The following PRKN variants were observed in gnomAD, a reference collection of about 807,000 sequenced individuals.
The protein encoded by PRKN is parkin RBR E3 ubiquitin protein ligase.
In PRKN, 56 loss-of-function variants were observed where a neutral mutation model predicts 59.5. The ratio of observed to expected loss-of-function variants is 0.94; its 90% confidence interval spans 0.76 to 1.18. PRKN has a LOEUF of 1.18. PRKN is among the 50% of genes most tolerant of loss of function. PRKN has a pLI of 0.00. For synonymous variants in PRKN, 250 were observed against 222.1 expected, an observed-to-expected ratio of 1.13 and a Z score of -1.12; for missense variants, 657 against 596.4, an observed-to-expected ratio of 1.10 and a Z score of -1.06.
intron 6 of PRKN, among the ~76,000 whole-genome samples, chr6:161,786,160 T>A (rs1790413165): frequency 3.3e-5 from 5 of 152,216 alleles, no homozygotes; most frequent in Admixed American, 3.3e-4. Context: ...AATCTTTTGA[T>A]TAAACCTGAG....
intron 7 of PRKN, among the ~76,000 whole-genome samples, chr6:161,747,441 T>C (rs2128193508): frequency 6.6e-6 from 1 of 151,890 alleles, no homozygotes; most frequent in South Asian, 2.1e-4. Context: ...TTAAACAAAT[T>C]GCAGAGAAAG....
At chr6:162,644,770 G>A (rs898859439) in intron 1 of PRKN, among the ~76,000 whole-genome samples, 1 of 152,152 alleles carries the variant, frequency 6.6e-6, no homozygotes, top group African/African-American at 2.4e-5. Context: ...TTAAAAATCT[G>A]AAAGCAATAC....
chr6:162,324,757 T>C (rs1170463927), intron 2 of PRKN, among the ~76,000 whole-genome samples: 4 of 152,098 alleles, frequency 2.6e-5, no homozygotes, highest in Non-Finnish European at 5.9e-5. Flanking sequence ...TATGTGTACG[T>C]ATCTATGTGT....
chr6:161,376,049 AGGCAGTCAAT>A lies in PRKN; in HGVS notation c.1167+10735_1167+10744del, dbSNP rs1785686003. ...ATACTGGGACTGCATTTGTGTGTGA[AGGCAGTCAAT>A]GGCTGAGAGACGGCTCTGCGGTGAG... On this transcript the variant is annotated intron_variant, in intron 10 of 11. Coordinates refer to ENST00000366898, the MANE Select transcript of PRKN (RefSeq NM_004562.3). The surrounding 1 kb of genome is among the most constrained non-coding windows in gnomAD (Gnocchi z 7.3). Among the ~76,000 whole-genome samples, 1 of 152,216 alleles carries A rather than the reference AGGCAGTCAAT, an allele frequency of 6.6e-6. No individual in the cohort carries two copies. Among genetic ancestry groups the A allele is most frequent in the Non-Finnish European group, 1.5e-5 (1 of 68,048 alleles).
At chr6:162,180,165 G>A (rs1783734652) in intron 4 of PRKN, among the ~76,000 whole-genome samples, 1 of 152,116 alleles carries the variant, frequency 6.6e-6, no homozygotes, top group Non-Finnish European at 1.5e-5. Flanking sequence ...CACTGAGGAA[G>A]TGACAAGGAT....
At chr6:162,581,221 A>T (rs1013188138) in intron 1 of PRKN, among the ~76,000 whole-genome samples, 5 of 152,228 alleles carry the variant, frequency 3.3e-5, no homozygotes, top group African/African-American at 1.2e-4. Context: ...AGTGAAGGTC[A>T]AAAGAGACAG....
At chr6:161,950,028 G>A (rs187379069) in intron 6 of PRKN, among the ~76,000 whole-genome samples, 12 of 152,344 alleles carry the variant, frequency 7.9e-5, no homozygotes, top group African/African-American at 2.4e-4. Context: ...CATGTGCCAA[G>A]GTCCTGTGCT....
intron 6 of PRKN, among the ~76,000 whole-genome samples, chr6:161,819,306 C>T (rs1009993060): frequency 1.8e-4 from 28 of 152,182 alleles, no homozygotes; most frequent in Admixed American, 1.5e-3. Flanking sequence ...GCCTGGACAA[C>T]ATGGTGAAAC....
At chr6:161,917,253 G>A (rs1760260302) in intron 6 of PRKN, among the ~76,000 whole-genome samples, 1 of 152,074 alleles carries the variant, frequency 6.6e-6, no homozygotes, top group South Asian at 2.1e-4. Flanking sequence ...CTACAGGTGT[G>A]TGCCACCATG....
rs1404770055 is a variant in PRKN, at chr6:161,487,943, CA to C, written c.1083+60910del. Among the ~76,000 whole-genome samples the C allele has an allele frequency of 1.6e-4, 25 of 152,222 alleles. No homozygotes were observed. The highest frequency in any genetic ancestry group is 6.0e-4 in the African/African-American group (25 of 41,536). The stretch of plus-strand genomic sequence containing the variant: ...TAAACACATATTTACTGAATACCTA[CA>C]AAACTTCTATGACTAAAACCAATGA... On this transcript the variant is annotated intron_variant, in intron 9 of 11. Transcript: ENST00000366898. The surrounding 1 kb of genome is among the most constrained non-coding windows in gnomAD (Gnocchi z 5.3).
intron 1 of PRKN, among the ~76,000 whole-genome samples, chr6:162,472,468 T>TATATATATATATATATATATATATATC (rs1385821060): frequency 1.9e-5 from 2 of 104,472 alleles, no homozygotes; most frequent in Admixed American, 9.3e-5. Flanking sequence ...TTTTATTTTA[T>TATATATATATATATATATATATATATC]TTTATTTTAT....
chr6:161,796,767 T>C (rs945318794), intron 6 of PRKN, among the ~76,000 whole-genome samples: 2 of 152,184 alleles, frequency 1.3e-5, no homozygotes, highest in African/African-American at 4.8e-5. Context: ...TAACATAAAA[T>C]AGTTTCTGGG....
chr6:161,844,373 C>G (rs1793112663), intron 6 of PRKN, among the ~76,000 whole-genome samples: 1 of 152,146 alleles, frequency 6.6e-6, no homozygotes, highest in Non-Finnish European at 1.5e-5. Flanking sequence ...AGTTGATTAT[C>G]CGGTTTGTTA....
intron 6 of PRKN, among the ~76,000 whole-genome samples, chr6:161,829,223 A>G (rs1369155713): frequency 6.6e-6 from 1 of 152,096 alleles, no homozygotes; most frequent in Non-Finnish European, 1.5e-5. Context: ...CAGACTCAAA[A>G]CAACAAAAAC....
At chr6:162,090,221 C>T (rs1779425322) in intron 4 of PRKN, among the ~76,000 whole-genome samples, 1 of 151,888 alleles carries the variant, frequency 6.6e-6, no homozygotes, top group Non-Finnish European at 1.5e-5. Context: ...CTAGAGAAGT[C>T]GTGTTAGGCT....
intron 7 of PRKN, among the ~76,000 whole-genome samples, chr6:161,777,588 G>A (rs201491451): frequency 2.0e-5 from 3 of 149,838 alleles, no homozygotes; most frequent in East Asian, 2.0e-4. Context: ...CTGTTAAGAC[G>A]TTTGGTGCAT....
At chr6:161,821,719 C>CTTTTTTTTTTTTTTTTTTTTTTTTTTTTT (rs531807176) in intron 6 of PRKN, among the ~76,000 whole-genome samples, 3 of 64,706 alleles carry the variant, frequency 4.6e-5, no homozygotes, top group East Asian at 5.1e-4. Context: ...CACTGGTGTT[C>CTTTTTTTTTTTTTTTTTTTTTTTTTTTTT]TTTTTTTTTT....
chr6:162,036,050 C>A (rs1229152176), intron 5 of PRKN, among the ~76,000 whole-genome samples: 3 of 152,080 alleles, frequency 2.0e-5, no homozygotes, highest in South Asian at 2.1e-4. Context: ...TACGGCCGGG[C>A]GCGGTGGCTC....
chr6:162,452,405 A>G (rs1790668487), intron 1 of PRKN, among the ~76,000 whole-genome samples: 1 of 140,734 alleles, frequency 7.1e-6, no homozygotes, highest in African/African-American at 2.6e-5. Context: ...TGACTGGGTA[A>G]AGCAGAAATT....
Sources: allele counts gnomAD v4.1 joint callset (sites outside exome capture counted in the v4.1 genomes callset), GRCh38; gene constraint gnomAD v4.1.1; non-coding constraint Gnocchi (gnomAD v3.1); transcripts MANE v1.5; gene names NCBI Gene and HGNC (gene_info 2026-07-23, HGNC 2026-07-21).